GRHL2: variants seen among roughly 807,000 people sequenced by gnomAD.
GRHL2 encodes grainyhead like transcription factor 2.
GRHL2 carries 21 observed loss-of-function variants against 83.8 expected under a neutral mutation model. The ratio of observed to expected loss-of-function variants is 0.25; its 90% CI spans 0.18 to 0.36. The LOEUF (loss-of-function observed/expected upper bound fraction) is 0.36, where lower values mean the gene tolerates loss of function less well. Ranked by LOEUF, GRHL2 falls within the 10% of genes least tolerant of loss-of-function variation. The probability of loss-of-function intolerance (pLI) is 1.00; values close to 1 mark genes in which losing one functional copy is unlikely to be tolerated. For missense variants in GRHL2, 623 were observed against 781.8 expected (o/e 0.80, Z 2.42); for synonymous variants, 280 against 278.9 (o/e 1.00, Z -0.04).
At chr8:101,635,663 C>T (rs1813270207) in intron 11 of GRHL2, among the ~76,000 whole-genome samples, 1 of 152,192 alleles carries the variant, frequency 6.6e-6, no homozygotes, top group African/African-American at 2.4e-5. Flanking sequence ...TAGTACATCC[C>T]AATGACAGTT....
the GRHL2 span, among the ~76,000 whole-genome samples, chr8:101,677,231 A>G: frequency 2.0e-5 from 3 of 151,964 alleles, no homozygotes; most frequent in Non-Finnish European, 4.4e-5. Context: ...TAATAAAAAT[A>G]AAGAAAAGGC....
At chr8:101,649,132 A>T (rs1813570592) in intron 13 of GRHL2, among the ~76,000 whole-genome samples, 1 of 152,188 alleles carries the variant, frequency 6.6e-6, no homozygotes, top group African/African-American at 2.4e-5. Flanking sequence ...GATGCGATGT[A>T]CCCCTCAGGA....
At chr8:101,660,076 G>T (rs1813886282) in intron 14 of GRHL2, among the ~76,000 whole-genome samples, 1 of 151,972 alleles carries the variant, frequency 6.6e-6, no homozygotes, top group South Asian at 2.1e-4. Context: ...TAATTGCATT[G>T]TTTCAAGGTT....
intron 14 of GRHL2, among the ~76,000 whole-genome samples, chr8:101,652,294 C>T (rs928672024): frequency 2.7e-5 from 4 of 147,272 alleles, no homozygotes; most frequent in African/African-American, 5.1e-5. Context: ...TTGGTATATA[C>T]AAATGTATAT....
chr8:101,529,165 TG>T, intron 1 of GRHL2: 1 of 280,126 alleles, frequency 3.6e-6, no homozygotes, highest in Non-Finnish European at 6.9e-6. Flanking sequence ...CAGCATGCCC[TG>T]AAAAATATGC....
At chr8:101,657,838 A>C (rs1176885785) in intron 14 of GRHL2, among the ~76,000 whole-genome samples, 1 of 151,866 alleles carries the variant, frequency 6.6e-6, no homozygotes, top group Non-Finnish European at 1.5e-5. Flanking sequence ...AAACAAAAAA[A>C]AAAAAGACAG....
chr8:101,498,454 C>T (rs1810153276), intron 1 of GRHL2, among the ~76,000 whole-genome samples: 1 of 152,126 alleles, frequency 6.6e-6, no homozygotes. Context: ...TCACTGAATT[C>T]AGATTCTATT....
chr8:101,589,415 T>C (rs1036353166), intron 7 of GRHL2, among the ~76,000 whole-genome samples: 1 of 152,230 alleles, frequency 6.6e-6, no homozygotes, highest in Admixed American at 6.5e-5. Context: ...TGTGTTTATG[T>C]GTGTCTATGT....
At chr8:101,567,301 A>G (rs1390947889) in intron 4 of GRHL2, among the ~76,000 whole-genome samples, 6 of 152,226 alleles carry the variant, frequency 3.9e-5, no homozygotes, top group African/African-American at 1.4e-4. Context: ...GTATCAAATC[A>G]CAGTAAACTA....
At chr8:101,508,731 G>A (rs962001608) in intron 1 of GRHL2, among the ~76,000 whole-genome samples, 4 of 152,094 alleles carry the variant, frequency 2.6e-5, no homozygotes, top group Non-Finnish European at 4.4e-5. Context: ...ACATCCAAAC[G>A]ACAACAAATG....
intron 14 of GRHL2, among the ~76,000 whole-genome samples, chr8:101,656,027 C>T (rs970967174): frequency 6.6e-5 from 10 of 152,164 alleles, no homozygotes; most frequent in South Asian, 2.1e-4. Context: ...TCTTCCAGGC[C>T]GCTGCTCACA....
downstream of GRHL2, among the ~76,000 whole-genome samples, chr8:101,670,394 C>CTT (rs1814185796): frequency 6.6e-6 from 1 of 152,230 alleles, no homozygotes; most frequent in African/African-American, 2.4e-5. Context: ...GCTTTCAAAT[C>CTT]TTGGCTAAAC....
chr8:101,532,565 C>T (rs751102364), intron 1 of GRHL2, among the ~76,000 whole-genome samples: 1 of 152,076 alleles, frequency 6.6e-6, no homozygotes, highest in South Asian at 2.1e-4. Context: ...GCCTGACCAA[C>T]ATGGTGAAAC....
chr8:101,509,149 C>CTTTT (rs1554581552), intron 1 of GRHL2, among the ~76,000 whole-genome samples: 13 of 25,874 alleles, frequency 5.0e-4, no homozygotes, highest in African/African-American at 1.3e-3. Context: ...TTCCTTCCTT[C>CTTTT]CTTCCTTCCT....
intron 1 of GRHL2, among the ~76,000 whole-genome samples, chr8:101,509,896 G>A (rs1810429488): frequency 6.6e-6 from 1 of 152,088 alleles, no homozygotes; most frequent in South Asian, 2.1e-4. Context: ...CCACTTGCAA[G>A]CAACAAATAA....
At chr8:101,566,285 A>C (rs1353430032) in intron 4 of GRHL2, among the ~76,000 whole-genome samples, 4 of 152,130 alleles carry the variant, frequency 2.6e-5, no homozygotes, top group African/African-American at 7.2e-5. Flanking sequence ...TATGTAGTCA[A>C]AGTTGATAAG....
In GRHL2 at chr8:101,568,200, T is replaced by TA. The variant is rs1272645535; in HGVS notation, c.679-2137dup. Reference sequence around the variant, plus strand: ...TCAGATGTTTAAATTTATTTCAGTCTAATCCACTTAAATTTAAATAGCACA... The same window carrying TA: ...TCAGATGTTTAAATTTATTTCAGTCTAAATCCACTTAAATTTAAATAGCACA... On this transcript the variant is annotated intron_variant, in intron 4 of 15. Coordinates refer to ENST00000646743, the MANE Select transcript of GRHL2 (RefSeq NM_024915.4). 3.9e-5 allele frequency among the ~76,000 whole-genome samples: 6 copies of TA among 152,386 alleles called. No homozygotes were observed. In the East Asian group the frequency reaches 1.2e-3, roughly 29 times the overall value.
intron 8 of GRHL2, among the ~76,000 whole-genome samples, chr8:101,599,743 G>A (rs1424607311): frequency 2.0e-5 from 3 of 152,190 alleles, no homozygotes; most frequent in African/African-American, 7.2e-5. Flanking sequence ...GTGGCGAAGT[G>A]AGCCCTGAGA....
chr8:101,570,054 T>A (rs1284236275), intron 4 of GRHL2, among the ~76,000 whole-genome samples: 2 of 152,230 alleles, frequency 1.3e-5, no homozygotes, highest in African/African-American at 4.8e-5. Flanking sequence ...AGAGATGTAT[T>A]ATCTATTTGA....
Sources: gnomAD v4.1 joint callset for allele counts (sites outside exome capture counted in the v4.1 genomes callset) on GRCh38, gnomAD v4.1.1 for gene constraint, MANE v1.5 for transcripts, NCBI Gene and HGNC (gene_info 2026-07-23, HGNC 2026-07-21) for gene names.